Variants in PLXNA4 observed in about 807,000 individuals in gnomAD.
The protein encoded by PLXNA4 is plexin A4, also known as plexin-A4.
In PLXNA4, 44 loss-of-function variants were observed where a neutral mutation model predicts 191.8. That is an observed-to-expected ratio of 0.23 (90% CI 0.18 to 0.29). The LOEUF (loss-of-function observed/expected upper bound fraction) is 0.29, where lower values mean the gene tolerates loss of function less well. Ranked by LOEUF, PLXNA4 falls within the 10% of genes least tolerant of loss-of-function variation. PLXNA4 has a pLI of 1.00. For synonymous variants in PLXNA4, 1,082 were observed against 1,009.5 expected (o/e 1.07, Z -1.36); for missense variants, 1,800 against 2,488.8 (o/e 0.72, Z 5.89).
chr7:132,293,821 G>A (rs1800978705), intron 4 of PLXNA4, among the ~76,000 whole-genome samples: 1 of 152,128 alleles, frequency 6.6e-6, no homozygotes, highest in African/African-American at 2.4e-5. Context: ...TAAGATCTGG[G>A]AATACAGGTG....
At chr7:132,422,073 C>A (rs1563089621) in intron 3 of PLXNA4, among the ~76,000 whole-genome samples, 1 of 152,170 alleles carries the variant, frequency 6.6e-6, no homozygotes, top group Non-Finnish European at 1.5e-5. Flanking sequence ...CACAGAAAAA[C>A]GGTTATACTC....
chr7:132,455,454 C>CAT (rs368458318), intron 3 of PLXNA4, among the ~76,000 whole-genome samples: 3,946 of 151,858 alleles, frequency 0.026, 74 homozygotes, highest in Non-Finnish European at 0.039. Context: ...CACACACACA[C>CAT]GCAGAGTGAG....
At chr7:132,305,122 C>T (rs7784342) in intron 3 of PLXNA4, among the ~76,000 whole-genome samples, 4,920 of 152,258 alleles carry the variant, frequency 0.032, 288 homozygotes, top group African/African-American at 0.11. Flanking sequence ...CTTACCTGCA[C>T]CAAGTAATAC....
At chr7:132,527,485 C>T (rs1442637817) in intron 1 of PLXNA4, among the ~76,000 whole-genome samples, 1 of 147,212 alleles carries the variant, frequency 6.8e-6, no homozygotes, top group African/African-American at 2.6e-5. Flanking sequence ...GAGATTTTCC[C>T]AGGAAACTAC....
chr7:132,564,147 C>A (rs1801588386), intron 1 of PLXNA4, among the ~76,000 whole-genome samples: 1 of 133,304 alleles, frequency 7.5e-6, no homozygotes, highest in South Asian at 2.5e-4. Flanking sequence ...TTCTCCTCCT[C>A]CTCCTTCTCC....
intron 1 of PLXNA4, among the ~76,000 whole-genome samples, chr7:132,563,300 TTCC>T (rs1316056783): frequency 3.5e-5 from 3 of 84,972 alleles, no homozygotes; most frequent in Non-Finnish European, 7.1e-5. Flanking sequence ...CTCCTTTCTC[TTCC>T]TCCTCCTTCT....
At chr7:132,522,899 G>C (rs1799246571) in intron 1 of PLXNA4, among the ~76,000 whole-genome samples, 2 of 152,162 alleles carry the variant, frequency 1.3e-5, no homozygotes, top group Admixed American at 6.5e-5. Context: ...ACTGGGAAGA[G>C]AGAAAAGCCT....
At chr7:132,311,182 G>GTGTA (rs1801720930) in intron 3 of PLXNA4, among the ~76,000 whole-genome samples, 1 of 135,634 alleles carries the variant, frequency 7.4e-6, no homozygotes, top group East Asian at 2.0e-4. Context: ...GTGTGTGTGT[G>GTGTA]TGTGTGTGTG....
chr7:132,552,832 G>A (rs1048401680), intron 1 of PLXNA4, among the ~76,000 whole-genome samples: 8 of 152,120 alleles, frequency 5.3e-5, no homozygotes, highest in African/African-American at 1.9e-4. Context: ...TCACCCCAAA[G>A]CCAGCTCAGT....
intron 5 of PLXNA4, among the ~76,000 whole-genome samples, chr7:132,237,595 A>T (rs1798744639): frequency 6.6e-6 from 1 of 152,144 alleles, no homozygotes; most frequent in Non-Finnish European, 1.5e-5. Flanking sequence ...ACATTGGCAC[A>T]AATTTATACC....
chr7:132,257,878 G>C (rs541489903), intron 4 of PLXNA4, among the ~76,000 whole-genome samples: 30 of 152,350 alleles, frequency 2.0e-4, no homozygotes, highest in African/African-American at 5.5e-4. Context: ...AATTGGAAGG[G>C]TCCCTCTCAG....
At chr7:132,411,748 T>C (rs2117096860) in intron 3 of PLXNA4, among the ~76,000 whole-genome samples, 1 of 152,266 alleles carries the variant, frequency 6.6e-6, no homozygotes, top group East Asian at 1.9e-4. Context: ...GCATCCCCAG[T>C]TCAAATTCCA....
chr7:132,189,007 AG>A (rs1562908964), intron 14 of PLXNA4, among the ~76,000 whole-genome samples: 14 of 78,540 alleles, frequency 1.8e-4, no homozygotes, highest in Non-Finnish European at 2.4e-4. Flanking sequence ...AGAGAGAGAG[AG>A]AGAGAGAGAG....
intron 3 of PLXNA4, among the ~76,000 whole-genome samples, chr7:132,301,313 C>G (rs1801297030): frequency 1.3e-5 from 2 of 152,186 alleles, no homozygotes; most frequent in Non-Finnish European, 2.9e-5. Context: ...AATGGACCAG[C>G]TGCCGGCTCT....
At chr7:132,572,557 C>T (rs999972985) in intron 1 of PLXNA4, among the ~76,000 whole-genome samples, 2 of 152,158 alleles carry the variant, frequency 1.3e-5, no homozygotes, top group Non-Finnish European at 2.9e-5. Flanking sequence ...GCAGCCTCCT[C>T]CTTCAGGAAC....
chr7:132,198,769 C>T (rs1408959561), intron 12 of PLXNA4, 133 bp from the exon 13 acceptor site: 2 of 1,373,746 alleles, frequency 1.5e-6, no homozygotes, highest in African/African-American at 1.4e-5. Context: ...TCACCAAGGG[C>T]ACCCAAAGCC....
chr7:132,234,096 G>GAGGGAACGGCAGGAGA (rs1483504458), intron 5 of PLXNA4, among the ~76,000 whole-genome samples: 1 of 152,114 alleles, frequency 6.6e-6, no homozygotes, highest in Non-Finnish European at 1.5e-5. Flanking sequence ...GAGGGAGAGG[G>GAGGGAACGGCAGGAGA]AGGGAACGGC....
intron 4 of PLXNA4, 55 bp from the exon 5 acceptor site, chr7:132,241,221 T>C: frequency 1.6e-6 from 2 of 1,267,406 alleles, no homozygotes; most frequent in Non-Finnish European, 2.2e-6. Flanking sequence ...CACCCAGCAG[T>C]GTACCAGAAG....
At chr7:132,175,057 G>A (rs957621928) in intron 20 of PLXNA4, 137 bp from the exon 21 acceptor site, 36 of 1,392,320 alleles carry the variant, frequency 2.6e-5, no homozygotes, top group South Asian at 1.5e-5. Flanking sequence ...AATAACTGGA[G>A]AGGCTATGTT....
Sources: gnomAD v4.1 joint callset for allele counts (sites outside exome capture counted in the v4.1 genomes callset) on GRCh38, gnomAD v4.1.1 for gene constraint, MANE v1.5 for transcripts, NCBI Gene and HGNC (gene_info 2026-07-23, HGNC 2026-07-21) for gene names.